Variants in TBL1Y observed in about 807,000 individuals in gnomAD.
The protein encoded by TBL1Y is transducin beta like 1 Y-linked, also known as F-box-like/WD repeat-containing protein TBL1Y.
Under a neutral mutation model 12.0 loss-of-function variants are expected in TBL1Y, and 15 were observed. That is an observed-to-expected ratio of 1.25 (90% CI 0.83 to 1.92). The LOEUF (loss-of-function observed/expected upper bound fraction) is 1.92. Among genes scored for constraint, TBL1Y ranks in the 40% most tolerant of loss-of-function variants. The pLI, the probability that TBL1Y is intolerant of heterozygous loss-of-function variation, is 0.00. For missense variants in TBL1Y, 148 were observed against 116.7 expected, an observed-to-expected ratio of 1.27 and a Z score of -1.24; for synonymous variants, 53 against 42.6, an observed-to-expected ratio of 1.24 and a Z score of -0.95.
At chrY:6,995,074 A>G (rs1603035734) in intron 3 of TBL1Y, among the ~76,000 whole-genome samples, 1 of 31,703 alleles carries the variant, frequency 3.2e-5, no homozygotes, top group East Asian at 8.3e-4. Context: ...CTTGTGGGCC[A>G]TCTCTGGCCT....
intron 2 of TBL1Y, among the ~76,000 whole-genome samples, chrY:6,959,871 C>T (rs747858585): frequency 3.0e-5 from 1 of 33,487 alleles, no homozygotes; most frequent in African/African-American, 1.2e-4. Context: ...ATCCAAATGA[C>T]AGTTTGTCTA....
At chrY:6,993,255 T>TTCTC (rs2012384892) in intron 3 of TBL1Y, among the ~76,000 whole-genome samples, 1 of 28,649 alleles carries the variant, frequency 3.5e-5, no homozygotes, top group Non-Finnish European at 8.2e-5. Flanking sequence ...CTTTCTTTCT[T>TTCTC]TCTTTTTGTA....
At position 7,071,744 on chromosome Y, in the gene TBL1Y, A is replaced by G. The variant is rs1281485377; in HGVS notation, c.808A>G (p.Ser270Gly). Residue 270 changes from serine (S) to glycine (G), a missense_variant, in exon 12 of 19, where the codon AGC becomes GGC. Ser to Gly is a moderately conservative substitution (Grantham distance 56). Transcript: ENST00000383032. ...RIWTENGNLASTLGQHKGPIF... is the reference protein window; with the variant it reads ...RIWTENGNLAGTLGQHKGPIF... ...GTTTTTACTAACAGGTAACCTGGCC[A>G]GCACCTTAGGCCAACATAAAGGCCC... 1 of 397,976 alleles carries G rather than the reference A, an allele frequency of 2.5e-6. No individual in the cohort carries two copies. The highest frequency in any genetic ancestry group is 7.4e-5 in the Admixed American group (1 of 13,549).
At chrY:6,920,080 C>A (rs2011765336) in intron 2 of TBL1Y, 2 of 33,306 alleles carry the variant, frequency 6.0e-5, no homozygotes, top group African/African-American at 2.3e-4. Flanking sequence ...TCAGGCAACA[C>A]CAAAAGAAAG....
chrY:7,006,763 G>A (rs2012488600), intron 4 of TBL1Y, among the ~76,000 whole-genome samples: 1 of 32,232 alleles, frequency 3.1e-5, no homozygotes, highest in African/African-American at 1.2e-4. Flanking sequence ...CAATTTACAA[G>A]AAAAAAACAA....
intron 7 of TBL1Y, among the ~76,000 whole-genome samples, chrY:7,049,643 T>G: frequency 5.8e-5 from 2 of 34,447 alleles, no homozygotes; most frequent in Non-Finnish European, 1.5e-4. Flanking sequence ...TTTTTTGATG[T>G]GTCTGTTGGC....
At chrY:7,053,161 A>T in intron 7 of TBL1Y, among the ~76,000 whole-genome samples, 2 of 33,716 alleles carry the variant, frequency 5.9e-5, no homozygotes, top group African/African-American at 2.3e-4. Context: ...TGCTAACAAC[A>T]GCAGCACAAA....
intron 3 of TBL1Y, among the ~76,000 whole-genome samples, chrY:6,994,313 G>A (rs2012395334): frequency 3.0e-5 from 1 of 33,664 alleles, no homozygotes; most frequent in South Asian, 6.9e-4. Context: ...TCGGATTCAG[G>A]CTTCCCTGAA....
chrY:6,994,124 G>A (rs2012394731), intron 3 of TBL1Y, among the ~76,000 whole-genome samples: 1 of 33,315 alleles, frequency 3.0e-5, no homozygotes, highest in Non-Finnish European at 7.4e-5. Flanking sequence ...ATCAAACTGA[G>A]TTCTTGATTA....
chrY:7,082,603 T>C, intron 14 of TBL1Y, among the ~76,000 whole-genome samples: 1 of 33,492 alleles, frequency 3.0e-5, no homozygotes, highest in South Asian at 6.8e-4. Context: ...ATACAGACTC[T>C]TCTCCATCCT....
intron 2 of TBL1Y, among the ~76,000 whole-genome samples, chrY:6,967,529 C>T (rs796318441): frequency 6.1e-5 from 2 of 32,723 alleles, no homozygotes; most frequent in African/African-American, 1.2e-4. Flanking sequence ...GGATCAGAGG[C>T]GTGCGCCACC....
chrY:7,028,772 T>A (rs750797083), intron 6 of TBL1Y, among the ~76,000 whole-genome samples: 37 of 33,334 alleles, frequency 1.1e-3, no homozygotes, highest in African/African-American at 4.0e-3. Context: ...CCTGGTCACT[T>A]GTGCTATCTG....
intron 2 of TBL1Y, among the ~76,000 whole-genome samples, chrY:6,941,192 G>T (rs773205165): frequency 3.0e-5 from 1 of 33,206 alleles, no homozygotes; most frequent in East Asian, 8.0e-4. Flanking sequence ...CTCCTGTCAG[G>T]TATAGGAAGC....
At chrY:6,919,072 A>C (rs768265337) in intron 2 of TBL1Y, 1 of 31,561 alleles carries the variant, frequency 3.2e-5, no homozygotes, top group African/African-American at 1.2e-4. Context: ...TTTAGAAGAG[A>C]CGGGGTTTCA....
chrY:6,955,879 A>T, intron 2 of TBL1Y, among the ~76,000 whole-genome samples: 1 of 33,496 alleles, frequency 3.0e-5, no homozygotes, highest in Non-Finnish European at 7.4e-5. Flanking sequence ...AAGCTCTTTC[A>T]TAGGTATGTC....
chrY:6,967,799 C>T (rs2012180399), intron 2 of TBL1Y, among the ~76,000 whole-genome samples: 2 of 34,001 alleles, frequency 5.9e-5, no homozygotes, highest in African/African-American at 1.1e-4. Context: ...CTCTCTCCAG[C>T]AATTGGAAAG....
intron 8 of TBL1Y, among the ~76,000 whole-genome samples, chrY:7,069,029 G>A (rs1254418075): frequency 3.4e-5 from 1 of 29,679 alleles, no homozygotes; most frequent in Non-Finnish European, 7.8e-5. Flanking sequence ...TTTTTTAAAT[G>A]TAGAAAATAC....
At chrY:7,015,306 T>G in intron 4 of TBL1Y, among the ~76,000 whole-genome samples, 2 of 33,089 alleles carry the variant, frequency 6.0e-5, no homozygotes, top group Non-Finnish European at 1.5e-4. Context: ...GTCATCTGCA[T>G]GGGCACTCAG....
At chrY:6,932,134 G>A in intron 2 of TBL1Y, among the ~76,000 whole-genome samples, 3 of 34,003 alleles carry the variant, frequency 8.8e-5, no homozygotes, top group East Asian at 7.8e-4. Context: ...ACTGGGTTGG[G>A]AAGTGTTTGC....
Sources: allele counts gnomAD v4.1 joint callset (sites outside exome capture counted in the v4.1 genomes callset), GRCh38; gene constraint gnomAD v4.1.1; transcripts MANE v1.5; gene names NCBI Gene and HGNC (gene_info 2026-07-23, HGNC 2026-07-21).